The following MYO5B variants were observed in gnomAD, a reference collection of about 807,000 sequenced individuals.
The protein encoded by MYO5B is myosin VB, also known as unconventional myosin-Vb.
A neutral mutation model predicts 229.3 loss-of-function variants in MYO5B; 143 were observed. The observed-to-expected ratio is 0.62, with a 90% CI of 0.54 to 0.72. The LOEUF is 0.72. MYO5B is among the 30% of genes least tolerant of loss of function. MYO5B has a pLI of 0.00. For synonymous variants in MYO5B, 918 were observed against 885.2 expected (o/e 1.04, Z -0.66); for missense variants, 2,321 against 2,331.0 (o/e 1.00, Z 0.09).
In MYO5B at chr18:50,122,915, C is replaced by A. The variant is rs535209148; in HGVS notation, c.28-67537G>T. 2.6e-5 allele frequency among the ~76,000 whole-genome samples: 4 copies of A among 152,262 alleles called. No homozygotes were observed. The East Asian group carries it at 7.7e-4, about 29-fold the overall frequency. ...TGCTGTGGAAAACAGCTTGATGTCA[C>A]CTGAGAAAGCTGAACACAGAATTAC... On this transcript the variant is annotated intron_variant, in intron 1 of 39. Coordinates refer to ENST00000285039, the MANE Select transcript of MYO5B (RefSeq NM_001080467.3).
At chr18:50,135,819 T>G (rs1002577405) in intron 1 of MYO5B, among the ~76,000 whole-genome samples, 2 of 152,226 alleles carry the variant, frequency 1.3e-5, no homozygotes, top group East Asian at 3.8e-4. Flanking sequence ...GAGGAAACAC[T>G]GCACAGTGCT....
intron 2 of MYO5B, among the ~76,000 whole-genome samples, chr18:50,048,434 T>G (rs1401338718): frequency 6.6e-6 from 1 of 152,218 alleles, no homozygotes; most frequent in African/African-American, 2.4e-5. Flanking sequence ...CAAGGCTGGC[T>G]GGTACTGAGG....
intron 17 of MYO5B, among the ~76,000 whole-genome samples, chr18:49,925,805 C>T (rs2025122801): frequency 6.6e-6 from 1 of 152,176 alleles, no homozygotes; most frequent in African/African-American, 2.4e-5. Flanking sequence ...CTGATCTGAA[C>T]CCTGGGCTTG....
Position 50,073,398 on chromosome 18 carries a change from A to C in MYO5B, c.28-18020T>G, listed in dbSNP as rs1303362904. On this transcript the variant is annotated intron_variant, in intron 1 of 39. Transcript: ENST00000285039. Reference sequence around the variant, plus strand: ...CTGGGAAGGACAAGCCCTCCTCTACATGCAAGCATCGTGAGAAGCCAGATT... The same window carrying C: ...CTGGGAAGGACAAGCCCTCCTCTACCTGCAAGCATCGTGAGAAGCCAGATT... 2.0e-5 allele frequency among the ~76,000 whole-genome samples: 3 copies of C among 152,150 alleles called. No individual in the cohort carries two copies. The South Asian group carries it at 6.2e-4, about 32-fold the overall frequency.
At position 49,853,521 on chromosome 18, in the gene MYO5B, T is replaced by C. The variant is rs746668451; in HGVS notation, c.4149A>G (p.Leu1383=). ...DKQQQTFCQT[L]LLSPEAQVEF... is the part of the protein sequence containing the mutation. ...CCACCTGGGCCTCTGGGGAGAGCAG[T>C]AGCGTCTGGCAGAAGGTCTGCTGCT... Residue 1383 remains leucine, a synonymous_variant, in exon 31 of 40, where the codon CTA becomes CTG. Transcript: ENST00000285039. 7.4e-6 allele frequency: 12 copies of C among 1,614,026 alleles called. No individual in the cohort carries two copies. Among genetic ancestry groups the C allele is most frequent in the African/African-American group, 1.3e-5 (1 of 74,916 alleles).
At chr18:49,894,130 G>A (rs1048422021) in intron 22 of MYO5B, among the ~76,000 whole-genome samples, 2 of 152,188 alleles carry the variant, frequency 1.3e-5, no homozygotes, top group Admixed American at 1.3e-4. Flanking sequence ...GCAGCATCCA[G>A]CCTGCCCCAA....
intron 37 of MYO5B, 135 bp from the exon 38 acceptor site, chr18:49,837,020 G>T: frequency 1.2e-6 from 1 of 860,708 alleles, no homozygotes; most frequent in Non-Finnish European, 1.9e-6. Flanking sequence ...AGCATGGCAA[G>T]TGCCTTGCAC....
chr18:50,015,950 T>A (rs977990958), intron 4 of MYO5B, among the ~76,000 whole-genome samples: 26 of 152,226 alleles, frequency 1.7e-4, no homozygotes, highest in African/African-American at 6.0e-4. Flanking sequence ...TCTTGAGCAC[T>A]ATGGGCTCTA....
intron 12 of MYO5B, among the ~76,000 whole-genome samples, chr18:49,955,923 G>C (rs1184692911): frequency 6.6e-6 from 1 of 152,246 alleles, no homozygotes; most frequent in East Asian, 1.9e-4. Context: ...AACTGGGGCA[G>C]ACAGAACCAT....
At chr18:49,848,036 G>A (rs1478393932) in intron 32 of MYO5B, among the ~76,000 whole-genome samples, 5 of 152,254 alleles carry the variant, frequency 3.3e-5, no homozygotes, top group African/African-American at 1.2e-4. Flanking sequence ...CACCATGGTA[G>A]AGGGACAGTG....
chr18:49,936,228 G>C, intron 16 of MYO5B, 24 bp downstream of exon 16: 1 of 1,554,246 alleles, frequency 6.4e-7, no homozygotes, highest in Non-Finnish European at 8.8e-7. Context: ...GGGCTGGACA[G>C]GCTAATGCCC....
intron 1 of MYO5B, among the ~76,000 whole-genome samples, chr18:50,084,394 T>C (rs2031284356): frequency 6.6e-6 from 1 of 152,192 alleles, no homozygotes; most frequent in African/African-American, 2.4e-5. Flanking sequence ...GGCACAAAAA[T>C]GGTTATCCAG....
chr18:50,001,385 A>G lies in MYO5B; in HGVS notation c.482T>C (p.Val161Ala). ...CTTCCCGGCTCCAGACTCCCCACTG[A>G]CTATGATGGACTGATTCTTCTCATC... ...ARDEKNQSII[V>A]SGESGAGKTV... is the part of the protein sequence containing the mutation. The change falls in exon 5 of 40, where the codon GTC becomes GCC. Residue 161 changes from valine (V) to alanine (A), a missense_variant. Coordinates refer to ENST00000285039, the MANE Select transcript of MYO5B (RefSeq NM_001080467.3). 5 of 1,614,158 alleles carry G rather than the reference A, an allele frequency of 3.1e-6. No individual in the cohort carries two copies. Among genetic ancestry groups the G allele is most frequent in the Non-Finnish European group, 4.2e-6 (5 of 1,180,010 alleles).
At chr18:50,013,338 C>T (rs974671537) in intron 4 of MYO5B, among the ~76,000 whole-genome samples, 5 of 152,202 alleles carry the variant, frequency 3.3e-5, no homozygotes, top group Admixed American at 6.5e-5. Context: ...TCTGAGTATG[C>T]CAACTCCATG....
chr18:50,093,180 C>CCACACA (rs3075642), intron 1 of MYO5B, among the ~76,000 whole-genome samples: 60 of 148,744 alleles, frequency 4.0e-4, no homozygotes, highest in African/African-American at 1.1e-3. Context: ...GAGCTTTGTG[C>CCACACA]CACACACACA....
chr18:50,029,776 A>C (rs1389023086), intron 4 of MYO5B, among the ~76,000 whole-genome samples: 2 of 152,236 alleles, frequency 1.3e-5, no homozygotes, highest in African/African-American at 4.8e-5. Flanking sequence ...CACAGAGGTC[A>C]GAGAGTCTAC....
chr18:50,013,771 A>G (rs911451881), intron 4 of MYO5B, among the ~76,000 whole-genome samples: 1 of 152,226 alleles, frequency 6.6e-6, no homozygotes, highest in Non-Finnish European at 1.5e-5. Context: ...CCTTCTGACA[A>G]CGTGAGGCAG....
At chr18:49,938,726 G>A (rs976219944) in intron 14 of MYO5B, among the ~76,000 whole-genome samples, 3 of 152,076 alleles carry the variant, frequency 2.0e-5, no homozygotes, top group African/African-American at 2.4e-5. Context: ...AACTGGTCAC[G>A]TTGCTGTCTC....
intron 1 of MYO5B, among the ~76,000 whole-genome samples, chr18:50,185,920 T>A (rs2033142019): frequency 6.6e-6 from 1 of 152,254 alleles, no homozygotes; most frequent in South Asian, 2.1e-4. Context: ...TGATCCCATT[T>A]GTTTTGAGTA....
Sources: gnomAD v4.1 joint callset for allele counts (sites outside exome capture counted in the v4.1 genomes callset) on GRCh38, gnomAD v4.1.1 for gene constraint, MANE v1.5 for transcripts, NCBI Gene and HGNC (gene_info 2026-07-23, HGNC 2026-07-21) for gene names.